PDGFRA: variants seen among roughly 807,000 people sequenced by gnomAD.
PDGFRA encodes platelet-derived growth factor receptor alpha.
A neutral mutation model predicts 121.5 loss-of-function variants in PDGFRA; 25 were observed. The ratio of observed to expected loss-of-function variants is 0.21; its 90% confidence interval spans 0.15 to 0.29. PDGFRA has a LOEUF of 0.29. PDGFRA is among the 10% of genes least tolerant of loss of function. PDGFRA has a pLI of 1.00. For missense variants in PDGFRA, 1,008 were observed against 1,345.1 expected, an observed-to-expected ratio of 0.75 and a Z score of 3.92; for synonymous variants, 463 against 494.8, an observed-to-expected ratio of 0.94 and a Z score of 0.85.
At chr4:54,275,801 T>G (rs1317869312) in intron 12 of PDGFRA, among the ~76,000 whole-genome samples, 1 of 152,232 alleles carries the variant, frequency 6.6e-6, no homozygotes, top group Non-Finnish European at 1.5e-5. Context: ...GAATGAGATA[T>G]GACCTAACCA....
At chr4:54,249,927 G>T (rs1242742864) in intron 1 of PDGFRA, among the ~76,000 whole-genome samples, 2 of 151,962 alleles carry the variant, frequency 1.3e-5, no homozygotes, top group South Asian at 4.1e-4. Context: ...AATTGTAAAG[G>T]GTTTAAAAGG....
In PDGFRA at chr4:54,290,562, TG is replaced by T. The variant is rs2110349210; in HGVS notation, c.3122+13del. ...CAAGAGGAACAGACACAGGTAGCTG[TG>T]GGGGCAGCCTCGGTGTCTCACCTTT... On this transcript the variant is annotated intron_variant, in intron 22 of 22. Coordinates refer to ENST00000257290, the MANE Select transcript of PDGFRA (RefSeq NM_006206.6). 1 of 1,614,106 alleles carries T rather than the reference TG, an allele frequency of 6.2e-7. No homozygotes were observed. Among genetic ancestry groups the T allele is most frequent in the Non-Finnish European group, 8.5e-7 (1 of 1,180,022 alleles).
At chr4:54,292,729 A>C (rs1424590965) in intron 22 of PDGFRA, among the ~76,000 whole-genome samples, 1 of 152,118 alleles carries the variant, frequency 6.6e-6, no homozygotes, top group Non-Finnish European at 1.5e-5. Context: ...CCTTTGCAGC[A>C]ACGTGGATGG....
chr4:54,275,963 A>G (rs949913736), intron 12 of PDGFRA, among the ~76,000 whole-genome samples: 1 of 152,228 alleles, frequency 6.6e-6, no homozygotes, highest in Non-Finnish European at 1.5e-5. Context: ...CCTGGGAACT[A>G]GACTGCCTTT....
intron 18 of PDGFRA, among the ~76,000 whole-genome samples, chr4:54,286,464 C>A (rs1009524149): frequency 1.3e-5 from 2 of 151,936 alleles, no homozygotes; most frequent in African/African-American, 4.8e-5. Flanking sequence ...TGAAGCAATT[C>A]TCCTGCCTTA....
chr4:54,268,125 CA>C (rs1457174404), intron 7 of PDGFRA, among the ~76,000 whole-genome samples: 1 of 152,214 alleles, frequency 6.6e-6, no homozygotes, highest in African/African-American at 2.4e-5. Flanking sequence ...AGGCAGTTAT[CA>C]CATCACCTTA....
At chr4:54,274,076 G>C (rs545394989) in intron 10 of PDGFRA, among the ~76,000 whole-genome samples, 1 of 152,336 alleles carries the variant, frequency 6.6e-6, no homozygotes, top group South Asian at 2.1e-4. Context: ...GAATGTCTGT[G>C]TATGTGGATG....
At chr4:54,283,830 G>C (rs889748715) in intron 16 of PDGFRA, among the ~76,000 whole-genome samples, 1 of 152,020 alleles carries the variant, frequency 6.6e-6, no homozygotes, top group African/African-American at 2.4e-5. Flanking sequence ...TTGAACTCTT[G>C]GACTCAAGCA....
At chr4:54,290,196 C>T in intron 21 of PDGFRA, 117 bp from the exon 22 acceptor site, 1 of 848,590 alleles carries the variant, frequency 1.2e-6, no homozygotes, top group Non-Finnish European at 2.0e-6. Context: ...AGTCCCACAT[C>T]TTCCAGGTAG....
rs4864875 is a variant in PDGFRA at position 54,289,999 on chromosome 4, A to G, written c.2881-314A>G. On this transcript the variant is annotated intron_variant, in intron 21 of 22. Coordinates refer to ENST00000257290, the MANE Select transcript of PDGFRA (RefSeq NM_006206.6). ...CAATAGAAGGCCTCACTGCCTCTCTATGGGACCCATCCAAGCCCTGGAAAG... is the reference window on the plus strand; with the variant it reads ...CAATAGAAGGCCTCACTGCCTCTCTGTGGGACCCATCCAAGCCCTGGAAAG... Among the ~76,000 whole-genome samples the G allele has an allele frequency of 0.2, 30,798 of 152,194 alleles. 3,806 individuals are homozygous for G. Among genetic ancestry groups the G allele is most frequent in the African/African-American group, 0.34 (13,933 of 41,512 alleles).
At position 54,297,089 on chromosome 4, in the gene PDGFRA, G is replaced by T. The variant is rs1466299340; in HGVS notation, c.*1817G>T. The T allele has an allele frequency of 1.3e-5, 3 of 233,022 alleles. No homozygotes were observed. Among genetic ancestry groups the T allele is most frequent in the Non-Finnish European group, 2.5e-5 (3 of 118,006 alleles). 14.4% of individuals were successfully genotyped at this position (233,022 alleles called of 1,614,324 possible). On this transcript the variant is annotated 3_prime_UTR_variant, in exon 23 of 23. Transcript: ENST00000257290. ...TCTGTGTAACCAGCTCAGTGTTTTG[G>T]TGGAAAAAACATTTTAAGTTTTACT...
At position 54,296,065 on chromosome 4, in the gene PDGFRA, C is replaced by T. The variant is rs557191329; in HGVS notation, c.*793C>T. 4.1e-4 allele frequency: 95 copies of T among 232,520 alleles called. 1 individual carries two copies. In the South Asian group the frequency reaches 0.017, roughly 41 times the overall value. 14.4% of individuals were successfully genotyped at this position (232,520 alleles called of 1,614,324 possible). On this transcript the variant is annotated 3_prime_UTR_variant, in exon 23 of 23. Transcript: ENST00000257290. ...AGTTTTTGACATTTATATTAAATAACATGTTTCTCTATAAAGTATGGTAAT... is the reference window on the plus strand; with the variant it reads ...AGTTTTTGACATTTATATTAAATAATATGTTTCTCTATAAAGTATGGTAAT...
intron 1 of PDGFRA, among the ~76,000 whole-genome samples, chr4:54,242,604 C>T (rs1053171182): frequency 1.3e-5 from 2 of 151,176 alleles, no homozygotes; most frequent in African/African-American, 4.9e-5. Context: ...TTTAAAAGAC[C>T]TGTATGATTT....
rs2110308342 is a variant in PDGFRA at position 54,277,401 on chromosome 4, G to T, written c.1800G>T (p.Gly600=). 1 of 1,613,926 alleles carries T rather than the reference G, an allele frequency of 6.2e-7. No homozygotes were observed. The highest frequency in any genetic ancestry group is 1.7e-5 in the Admixed American group (1 of 60,022). Residue 600 remains glycine, a synonymous_variant, in exon 13 of 23, where the codon GGG becomes GGT. Coordinates refer to ENST00000257290, the MANE Select transcript of PDGFRA (RefSeq NM_006206.6). The part of the protein sequence containing the change: ...RDGLVLGRVL[G]SGAFGKVVEG... Reference sequence around the variant, plus strand: ...GCCTGCCCACAGGTCGGGTCTTGGGGTCTGGAGCGTTTGGGAAGGTGGTTG... The same window carrying T: ...GCCTGCCCACAGGTCGGGTCTTGGGTTCTGGAGCGTTTGGGAAGGTGGTTG...
rs1577737079 is a variant in PDGFRA at position 54,281,859 on chromosome 4, A to G, written c.2323+1377A>G. 6 of 1,229,146 alleles carry G rather than the reference A, an allele frequency of 4.9e-6. 1 individual carries two copies. Among genetic ancestry groups the G allele is most frequent in the Middle Eastern group, 6.6e-4 (2 of 3,014 alleles). 76.1% of individuals were successfully genotyped at this position (1,229,146 alleles called of 1,614,324 possible). On this transcript the variant is annotated intron_variant, in intron 16 of 22. Transcript: ENST00000257290. ...AAACAAAGAAACTCAAAGGAAAGTC[A>G]TTGGCACTGATCTCTAAGATGCTAT...
rs1000985024 is a variant in PDGFRA, at chr4:54,283,507, C to T, written c.2324-1864C>T. Among the ~76,000 whole-genome samples the T allele has an allele frequency of 5.9e-5, 9 of 152,242 alleles. No individual in the cohort carries two copies. The East Asian group carries it at 1.7e-3, about 29-fold the overall frequency. ...CTGCACAGGGCAGTGGACCCTGGGG[C>T]TGGCCCATGAGACCATTCTTCCCTC... On this transcript the variant is annotated intron_variant, in intron 16 of 22. Coordinates refer to ENST00000257290, the MANE Select transcript of PDGFRA (RefSeq NM_006206.6).
Position 54,295,716 on chromosome 4 carries a change from T to C in PDGFRA, c.*444T>C. ...GAGACCACTCAATCCATCCATGTAC[T>C]TCCCTCTTGAAACCTGATGTCAGCT... On this transcript the variant is annotated 3_prime_UTR_variant, in exon 23 of 23. Transcript: ENST00000257290. 3.9e-6 allele frequency: 1 copy of C among 259,710 alleles called. No individual in the cohort carries two copies. Among genetic ancestry groups the C allele is most frequent in the Non-Finnish European group, 7.5e-6 (1 of 133,406 alleles). 16.1% of individuals were successfully genotyped at this position (259,710 alleles called of 1,614,324 possible). A position where few individuals can be genotyped will look rare whatever the true frequency, so the allele number is the denominator to read the frequency against.
chr4:54,261,915 A>T (rs1225852273), intron 3 of PDGFRA, among the ~76,000 whole-genome samples: 6 of 61,612 alleles, frequency 9.7e-5, no homozygotes, highest in African/African-American at 3.0e-4. Flanking sequence ...ATATATATAT[A>T]TATATATATA....
rs746708344 is a variant in PDGFRA at position 54,267,357 on chromosome 4, G to A, written c.828G>A (p.Thr276=). 9.9e-6 allele frequency: 16 copies of A among 1,613,958 alleles called. No individual in the cohort carries two copies. Among genetic ancestry groups the A allele is most frequent in the South Asian group, 2.2e-5 (2 of 91,080 alleles). The change falls in exon 6 of 23, where the codon ACG becomes ACA. Residue 276 remains threonine, a synonymous_variant. Transcript: ENST00000257290. ...VPSIKLVYTL[T]VPEATVKDSG... ...CCATCAAATTGGTGTACACTTTGAC[G>A]GTCCCCGAGGCCACGGTGAAAGACA...
Sources: allele counts gnomAD v4.1 joint callset (sites outside exome capture counted in the v4.1 genomes callset), GRCh38; gene constraint gnomAD v4.1.1; transcripts MANE v1.5; gene names NCBI Gene and HGNC (gene_info 2026-07-23, HGNC 2026-07-21).